Variants in PPFIA1 observed in about 807,000 individuals in gnomAD.
PPFIA1 encodes the protein liprin-alpha-1.
PPFIA1 carries 25 observed loss-of-function variants against 149.9 expected under a neutral mutation model. That is an observed-to-expected ratio of 0.17 (90% CI 0.12 to 0.23). PPFIA1 has a LOEUF of 0.23. PPFIA1 is among the 10% of genes least tolerant of loss of function. The pLI, the probability that PPFIA1 is intolerant of heterozygous loss-of-function variation, is 1.00. For synonymous variants in PPFIA1, 549 were observed against 552.8 expected (o/e 0.99, Z 0.10); for missense variants, 1,362 against 1,506.5 (o/e 0.90, Z 1.59).
At chr11:70,318,189 G>T (rs916234826) in intron 2 of PPFIA1, among the ~76,000 whole-genome samples, 1 of 152,162 alleles carries the variant, frequency 6.6e-6, no homozygotes, top group Non-Finnish European at 1.5e-5. Flanking sequence ...TACGCGGCAT[G>T]CTGCCTACCC....
Position 70,307,764 on chromosome 11 carries a change from A to T in PPFIA1, c.265-16638A>T, listed in dbSNP as rs537759592. On this transcript the variant is annotated intron_variant, in intron 2 of 27. Coordinates refer to ENST00000253925, the MANE Select transcript of PPFIA1 (RefSeq NM_003626.5). ...GACAGACCTTACCTCTACAAAAAAA[A>T]TTTTTTTTTAAATTAGCTGGGCATG... is the stretch of plus-strand genomic sequence containing the variant. Among the ~76,000 whole-genome samples, 38 of 151,714 alleles carry T rather than the reference A, an allele frequency of 2.5e-4. No individual in the cohort carries two copies. In the South Asian group the frequency reaches 2.5e-3, roughly 10 times the overall value.
Position 70,335,617 on chromosome 11 carries a change from G to T in PPFIA1, c.1351G>T (p.Val451Phe). 1 of 1,614,010 alleles carries T rather than the reference G, an allele frequency of 6.2e-7. No homozygotes were observed. ...EEHNKRLSDT[V>F]DKLLSESNER... ...ACATAATAAACGTTTATCAGACACT[G>T]TTGACAAGCTGCTTTCAGAATCTAA... The change falls in exon 11 of 28, where the codon GTT becomes TTT. Residue 451 changes from valine to phenylalanine, a missense_variant. This residue lies in a region of PPFIA1 where 733 missense variants were observed against 744.1 expected (regional missense o/e 0.99). Transcript: ENST00000253925.
intron 2 of PPFIA1, among the ~76,000 whole-genome samples, chr11:70,316,856 A>G (rs1204874938): frequency 6.6e-6 from 1 of 152,224 alleles, no homozygotes; most frequent in African/African-American, 2.4e-5. Context: ...TGGTCTATAT[A>G]ATATGAACCT....
intron 10 of PPFIA1, among the ~76,000 whole-genome samples, chr11:70,334,902 A>G (rs2054880428): frequency 6.6e-6 from 1 of 152,180 alleles, no homozygotes; most frequent in Non-Finnish European, 1.5e-5. Flanking sequence ...CCACCTACTG[A>G]CACTTCCTGT....
intron 2 of PPFIA1, chr11:70,283,984 G>A (rs2050937399): frequency 1.9e-6 from 1 of 533,832 alleles, no homozygotes; most frequent in Non-Finnish European, 3.8e-6. Context: ...TTAGGTTGGT[G>A]CAAAAGTACT....
intron 2 of PPFIA1, among the ~76,000 whole-genome samples, chr11:70,281,170 T>G (rs2050739169): frequency 6.6e-6 from 1 of 152,220 alleles, no homozygotes; most frequent in Non-Finnish European, 1.5e-5. Context: ...CCATTTTTGT[T>G]TTTTTAATTG....
chr11:70,307,852 G>C (rs371160130), intron 2 of PPFIA1, among the ~76,000 whole-genome samples: 3 of 152,158 alleles, frequency 2.0e-5, no homozygotes, highest in East Asian at 3.8e-4. Flanking sequence ...GTTGAGTATG[G>C]GTGTTCAGGG....
chr11:70,348,633 C>G (rs2055863090), intron 16 of PPFIA1, among the ~76,000 whole-genome samples: 1 of 152,208 alleles, frequency 6.6e-6, no homozygotes, highest in Non-Finnish European at 1.5e-5. Flanking sequence ...TGATTCCTCA[C>G]ACTTTGGGAG....
intron 16 of PPFIA1, among the ~76,000 whole-genome samples, chr11:70,349,148 A>AG (rs2055895539): frequency 1.3e-5 from 2 of 151,570 alleles, no homozygotes; most frequent in East Asian, 1.9e-4. Flanking sequence ...AAAAAAAAAA[A>AG]AAAAAAAAAG....
intron 15 of PPFIA1, among the ~76,000 whole-genome samples, chr11:70,347,405 TAA>T (rs2055773806): frequency 6.6e-6 from 1 of 152,140 alleles, no homozygotes; most frequent in Non-Finnish European, 1.5e-5. Context: ...TGTAGTATAT[TAA>T]AAAAGATTGA....
Position 70,326,668 on chromosome 11 carries a change from T to G in PPFIA1, c.780T>G (p.Ser260Arg), listed in dbSNP as rs2054309533. The change falls in exon 7 of 28, where the codon AGT becomes AGG. Residue 260 changes from serine (S) to arginine (R), a missense_variant. Around this residue, in one of 7 missense-constraint regions of PPFIA1, gnomAD observed 733 missense variants for 744.1 expected, o/e 0.99. Transcript: ENST00000253925. ...TAATTGAGCTCCAAGAAATCATAAGTAAGCAGTCAAGGGAACAGAGCCAAA... is the reference window on the plus strand; with the variant it reads ...TAATTGAGCTCCAAGAAATCATAAGGAAGCAGTCAAGGGAACAGAGCCAAA... The part of the protein sequence containing the change: ...AKVIELQEII[S>R]KQSREQSQMK... The G allele has an allele frequency of 6.2e-7, 1 of 1,614,062 alleles. No individual in the cohort carries two copies.
At chr11:70,303,854 A>G (rs1013086033) in intron 2 of PPFIA1, among the ~76,000 whole-genome samples, 3 of 152,078 alleles carry the variant, frequency 2.0e-5, no homozygotes, top group Admixed American at 1.3e-4. Flanking sequence ...AAAAATACAA[A>G]AATTAGCCAG....
chr11:70,315,793 A>G (rs1221855800), intron 2 of PPFIA1, among the ~76,000 whole-genome samples: 1 of 149,054 alleles, frequency 6.7e-6, no homozygotes, highest in East Asian at 2.0e-4. Flanking sequence ...ATTGTTGTGC[A>G]ACCATTACTG....
chr11:70,370,594 C>T (rs1347950202), intron 21 of PPFIA1, among the ~76,000 whole-genome samples: 1 of 151,954 alleles, frequency 6.6e-6, no homozygotes, highest in East Asian at 1.9e-4. Flanking sequence ...ACTATGTTGG[C>T]GAGGCTGGTG....
intron 19 of PPFIA1, among the ~76,000 whole-genome samples, chr11:70,361,284 A>G (rs1336294121): frequency 6.6e-6 from 1 of 152,212 alleles, no homozygotes; most frequent in Non-Finnish European, 1.5e-5. Flanking sequence ...ACCAAAATCC[A>G]TGGAAGCTTA....
At chr11:70,376,739 C>A in intron 25 of PPFIA1, 139 bp downstream of exon 25, 1 of 805,960 alleles carries the variant, frequency 1.2e-6, no homozygotes. Flanking sequence ...AGAAGTCAGG[C>A]TTTGCTCTTA....
At chr11:70,360,556 C>T (rs1043698995) in intron 19 of PPFIA1, among the ~76,000 whole-genome samples, 1 of 152,172 alleles carries the variant, frequency 6.6e-6, no homozygotes, top group Non-Finnish European at 1.5e-5. Context: ...GTACTACTTC[C>T]TAGACCCACT....
intron 14 of PPFIA1, 81 bp downstream of exon 14, chr11:70,339,387 A>T (rs901965160): frequency 3.4e-6 from 5 of 1,490,928 alleles, no homozygotes; most frequent in Non-Finnish European, 4.5e-6. Flanking sequence ...TTTGGGATAA[A>T]AATGTTGATA....
chr11:70,302,624 A>G (rs1476580075), intron 2 of PPFIA1, among the ~76,000 whole-genome samples: 2 of 152,212 alleles, frequency 1.3e-5, no homozygotes, highest in Non-Finnish European at 2.9e-5. Flanking sequence ...ATGAGACAGA[A>G]TCAAAAGCTT....
Sources: gnomAD v4.1 joint callset for allele counts (sites outside exome capture counted in the v4.1 genomes callset) on GRCh38, gnomAD v4.1.1 for gene constraint, gnomAD v4.1.1 regional missense constraint, MANE v1.5 for transcripts, NCBI Gene and HGNC (gene_info 2026-07-23, HGNC 2026-07-21) for gene names.